Variants in SRRM4 observed in about 807,000 individuals in gnomAD.
SRRM4 encodes the protein serine/arginine repetitive matrix 4, also known as serine/arginine repetitive matrix protein 4.
SRRM4 carries 33 observed loss-of-function variants against 68.9 expected under a neutral mutation model. That is an observed-to-expected ratio of 0.48 (90% confidence interval 0.36 to 0.64). SRRM4 has a LOEUF of 0.64. Among genes scored for constraint, SRRM4 ranks in the 30% least tolerant of loss-of-function variants. The pLI is 0.00. For synonymous variants in SRRM4, 318 were observed against 318.8 expected, an observed-to-expected ratio of 1.00 and a Z score of 0.03; for missense variants, 817 against 827.1, an observed-to-expected ratio of 0.99 and a Z score of 0.15.
At chr12:118,990,600 G>A (rs547584429) in intron 1 of SRRM4, among the ~76,000 whole-genome samples, 3 of 152,194 alleles carry the variant, frequency 2.0e-5, no homozygotes, top group African/African-American at 7.2e-5. Flanking sequence ...TTTTTGTTTT[G>A]TTTTGCTCAT....
chr12:119,143,856 C>G (rs1408157786), intron 8 of SRRM4, among the ~76,000 whole-genome samples: 2 of 152,032 alleles, frequency 1.3e-5, no homozygotes, highest in Non-Finnish European at 2.9e-5. Context: ...TAAGGGGGTG[C>G]CTTCTTGGTC....
chr12:119,075,358 G>A (rs1444398847), intron 1 of SRRM4, among the ~76,000 whole-genome samples: 3 of 152,026 alleles, frequency 2.0e-5, no homozygotes, highest in African/African-American at 7.3e-5. Context: ...GGATGATGAT[G>A]ATGACGATTA....
intron 7 of SRRM4, 83 bp downstream of exon 7, chr12:119,125,562 C>A: frequency 1.7e-6 from 2 of 1,201,648 alleles, no homozygotes; most frequent in Non-Finnish European, 2.4e-6. Flanking sequence ...TTCGCCTCCA[C>A]ACTTCCAGCA....
intron 7 of SRRM4, among the ~76,000 whole-genome samples, chr12:119,128,456 C>A (rs1049587450): frequency 6.6e-6 from 1 of 152,204 alleles, no homozygotes; most frequent in Non-Finnish European, 1.5e-5. Flanking sequence ...CTATCACCAG[C>A]CCAAAGCCTA....
In SRRM4 at chr12:119,082,281, A is replaced by G. The variant is rs186148724; in HGVS notation, c.132-19955A>G. Among the ~76,000 whole-genome samples the G allele has an allele frequency of 5.3e-5, 8 of 152,114 alleles. No individual in the cohort carries two copies. The East Asian group carries it at 1.5e-3, about 29-fold the overall frequency. On this transcript the variant is annotated intron_variant, in intron 1 of 12. Coordinates refer to ENST00000267260, the MANE Select transcript of SRRM4 (RefSeq NM_194286.4). ...CAGCCTCTGTCCCTCCTCCTCTTCC[A>G]TTAGATGTAAAGCCACCCCCCATCC...
chr12:119,114,118 A>G, intron 2 of SRRM4, 160 bp from the exon 3 acceptor site: 1 of 556,274 alleles, frequency 1.8e-6, no homozygotes, highest in Non-Finnish European at 3.3e-6. Flanking sequence ...TTAGGTACTT[A>G]GTCTGAAGTG....
In SRRM4 at chr12:119,125,396, C is replaced by G; in HGVS notation, c.531C>G (p.Pro177=). The part of the protein sequence containing the change: ...KRHKKQSRSR[P]RKSHRHRHHR... The stretch of plus-strand genomic sequence containing the variant: ...TCCCCCCAAGATCTCGAAGCCGGCC[C>G]CGAAAGTCTCACCGCCACCGCCATC... Residue 177 remains proline (P), a synonymous_variant, in exon 7 of 13, where the codon CCC becomes CCG. Transcript: ENST00000267260. 6.2e-7 allele frequency: 1 copy of G among 1,613,224 alleles called. No individual in the cohort carries two copies. Among genetic ancestry groups the G allele is most frequent in the Admixed American group, 1.7e-5 (1 of 59,932 alleles).
chr12:119,152,524 T>C (rs112310287), intron 10 of SRRM4, among the ~76,000 whole-genome samples: 2,442 of 152,284 alleles, frequency 0.016, 75 homozygotes, highest in African/African-American at 0.055. Flanking sequence ...AAGATAAGAA[T>C]TGAACCAGTT....
intron 1 of SRRM4, among the ~76,000 whole-genome samples, chr12:119,034,437 G>C (rs1034343579): frequency 3.9e-5 from 6 of 152,166 alleles, no homozygotes; most frequent in African/African-American, 1.4e-4. Flanking sequence ...CACAGTTGCA[G>C]AATTTCTAAG....
chr12:119,142,529 C>A (rs1423017684), intron 8 of SRRM4, among the ~76,000 whole-genome samples: 2 of 152,156 alleles, frequency 1.3e-5, no homozygotes, highest in Non-Finnish European at 2.9e-5. Context: ...ATCCATGGTG[C>A]ACCAGGAAAA....
intron 4 of SRRM4, among the ~76,000 whole-genome samples, chr12:119,119,916 G>T (rs543900557): frequency 2.0e-5 from 3 of 152,126 alleles, no homozygotes; most frequent in Admixed American, 1.3e-4. Context: ...GCACCGGTAG[G>T]CTTTGATCTG....
chr12:119,081,703 G>A (rs997301611), intron 1 of SRRM4, among the ~76,000 whole-genome samples: 1 of 152,218 alleles, frequency 6.6e-6, no homozygotes, highest in Admixed American at 6.5e-5. Flanking sequence ...CCATTAGGAG[G>A]CCTTTGCAAT....
chr12:119,064,542 G>A (rs1215573582), intron 1 of SRRM4, among the ~76,000 whole-genome samples: 1 of 152,174 alleles, frequency 6.6e-6, no homozygotes, highest in African/African-American at 2.4e-5. Context: ...ATGTGGTGTA[G>A]TGGAAAGAAC....
chr12:119,065,398 A>G (rs1953839460), intron 1 of SRRM4, among the ~76,000 whole-genome samples: 1 of 152,132 alleles, frequency 6.6e-6, no homozygotes, highest in Non-Finnish European at 1.5e-5. Flanking sequence ...CCATTGAACT[A>G]TGTAGGACCT....
chr12:119,040,051 C>A (rs1386168909), intron 1 of SRRM4, among the ~76,000 whole-genome samples: 1 of 151,966 alleles, frequency 6.6e-6, no homozygotes, highest in Non-Finnish European at 1.5e-5. Context: ...ATGTAACTTT[C>A]CCAATATGGA....
chr12:119,003,614 C>A (rs1953399032), intron 1 of SRRM4, among the ~76,000 whole-genome samples: 1 of 151,980 alleles, frequency 6.6e-6, no homozygotes, highest in South Asian at 2.1e-4. Flanking sequence ...GCTAAGATAC[C>A]ACACCCAGAT....
At chr12:119,100,327 C>A (rs76108686) in intron 1 of SRRM4, among the ~76,000 whole-genome samples, 279 of 105,306 alleles carry the variant, frequency 2.6e-3, no homozygotes, top group African/African-American at 3.2e-3. Context: ...CCTGTCTCTA[C>A]AAAAAAAAAA....
intron 2 of SRRM4, among the ~76,000 whole-genome samples, chr12:119,104,072 C>T (rs1464282358): frequency 3.9e-5 from 6 of 152,176 alleles, no homozygotes; most frequent in East Asian, 3.8e-4. Flanking sequence ...CTGTCACTTA[C>T]GAACTGAGCA....
At chr12:119,007,166 G>A (rs1953421503) in intron 1 of SRRM4, among the ~76,000 whole-genome samples, 2 of 152,156 alleles carry the variant, frequency 1.3e-5, no homozygotes, top group Non-Finnish European at 2.9e-5. Flanking sequence ...CTGAAGACAC[G>A]AACCATCCAT....
Sources: gnomAD v4.1 joint callset for allele counts (sites outside exome capture counted in the v4.1 genomes callset) on GRCh38, gnomAD v4.1.1 for gene constraint, MANE v1.5 for transcripts, NCBI Gene and HGNC (gene_info 2026-07-23, HGNC 2026-07-21) for gene names.